The following MGMT variants were observed in gnomAD, a reference collection of about 807,000 sequenced individuals.
The protein encoded by MGMT is O-6-methylguanine-DNA methyltransferase, also known as methylated-DNA--protein-cysteine methyltransferase.
A neutral mutation model predicts 15.9 loss-of-function variants in MGMT; 14 were observed. The ratio of observed to expected loss-of-function variants is 0.88; its 90% CI spans 0.58 to 1.37. The LOEUF is 1.37. Among genes scored for constraint, MGMT ranks in the 40% most tolerant of loss-of-function variants. MGMT has a pLI of 0.00. For missense variants in MGMT, 282 were observed against 268.1 expected, an observed-to-expected ratio of 1.05 and a Z score of -0.36; for synonymous variants, 130 against 118.2, an observed-to-expected ratio of 1.10 and a Z score of -0.65.
At chr10:129,628,160 G>A (rs77631439) in intron 2 of MGMT, among the ~76,000 whole-genome samples, 6,386 of 152,224 alleles carry the variant, frequency 0.042, 462 homozygotes, top group African/African-American at 0.14. Flanking sequence ...GTTTTCTACC[G>A]AAGATGCTTT....
At chr10:129,469,239 C>A (rs1302349256) in intron 1 of MGMT, among the ~76,000 whole-genome samples, 1 of 152,148 alleles carries the variant, frequency 6.6e-6, no homozygotes, top group Non-Finnish European at 1.5e-5. Flanking sequence ...TCTTAGGACA[C>A]CAAAACCCTG....
chr10:129,737,336 T>A (rs1201168802), intron 3 of MGMT, among the ~76,000 whole-genome samples: 1 of 152,244 alleles, frequency 6.6e-6, no homozygotes, highest in Non-Finnish European at 1.5e-5. Context: ...TTTCTTCCAG[T>A]TGATTGCATC....
At chr10:129,627,414 C>A (rs1847161985) in intron 2 of MGMT, among the ~76,000 whole-genome samples, 1 of 120,972 alleles carries the variant, frequency 8.3e-6, no homozygotes, top group African/African-American at 2.6e-5. Context: ...CTCCTCTACT[C>A]AAAAAAAAGA....
In MGMT at chr10:129,707,033, G is replaced by A. The variant is rs994363212; in HGVS notation, c.126-862G>A. Reference sequence around the variant, plus strand: ...TCCCAGCAGTTTGGGGGGCCCACGCGGGCGGATCACCTGAGGTCAGGAGTT... The same window carrying A: ...TCCCAGCAGTTTGGGGGGCCCACGCAGGCGGATCACCTGAGGTCAGGAGTT... On this transcript the variant is annotated intron_variant, in intron 2 of 4. Coordinates refer to ENST00000651593, the MANE Select transcript of MGMT (RefSeq NM_002412.5). 5.3e-5 allele frequency among the ~76,000 whole-genome samples: 8 copies of A among 152,082 alleles called. No homozygotes were observed. In the East Asian group the frequency reaches 7.8e-4, roughly 15 times the overall value.
chr10:129,510,629 T>C (rs1385674509), intron 1 of MGMT, among the ~76,000 whole-genome samples: 2 of 152,144 alleles, frequency 1.3e-5, no homozygotes, highest in Non-Finnish European at 2.9e-5. Flanking sequence ...TTTAGGAAGT[T>C]GATAGAAGTG....
At chr10:129,531,914 A>G (rs1252574104) in intron 1 of MGMT, among the ~76,000 whole-genome samples, 1 of 152,174 alleles carries the variant, frequency 6.6e-6, no homozygotes, top group African/African-American at 2.4e-5. Flanking sequence ...CTCATGCTTC[A>G]CATACCTAAA....
At chr10:129,480,840 A>G (rs1217687808) in intron 1 of MGMT, among the ~76,000 whole-genome samples, 1 of 152,236 alleles carries the variant, frequency 6.6e-6, no homozygotes, top group Non-Finnish European at 1.5e-5. Context: ...AGTCTGAATA[A>G]CTGTTGTTTG....
In MGMT at chr10:129,766,950, A is replaced by G; in HGVS notation, c.577A>G (p.Lys193Glu). 1 of 1,612,412 alleles carries G rather than the reference A, an allele frequency of 6.2e-7. No homozygotes were observed. Among genetic ancestry groups the G allele is most frequent in the Admixed American group, 1.7e-5 (1 of 59,926 alleles). ...CTCAGGTCTGGCAGGGGCCTGGCTC[A>G]AGGGAGCGGGAGCTACCTCGGGCTC... ...GSSGLAGAWL[K>E]GAGATSGSPP... Residue 193 changes from lysine (K) to glutamate (E), a missense_variant, in exon 5 of 5, where the codon AAG becomes GAG. By Grantham distance (56) the Lys-to-Glu change is moderately conservative (BLOSUM62 1). Coordinates refer to ENST00000651593, the MANE Select transcript of MGMT (RefSeq NM_002412.5).
chr10:129,732,917 A>G (rs1280267719), intron 3 of MGMT, among the ~76,000 whole-genome samples: 7 of 148,740 alleles, frequency 4.7e-5, no homozygotes, highest in Non-Finnish European at 7.5e-5. Flanking sequence ...ATAGTATTCC[A>G]TGGTGTATAT....
At chr10:129,729,963 G>A (rs1043644561) in intron 3 of MGMT, among the ~76,000 whole-genome samples, 3 of 152,152 alleles carry the variant, frequency 2.0e-5, no homozygotes, top group Non-Finnish European at 4.4e-5. Flanking sequence ...TGAGGTGTCT[G>A]CTGGGCGTGG....
chr10:129,600,781 A>G (rs1165576159), intron 2 of MGMT, among the ~76,000 whole-genome samples: 1 of 152,208 alleles, frequency 6.6e-6, no homozygotes, highest in Non-Finnish European at 1.5e-5. Context: ...CCAGTTTTCC[A>G]TACAAGTATG....
intron 1 of MGMT, among the ~76,000 whole-genome samples, chr10:129,518,337 T>C (rs28436709): frequency 0.056 from 6,679 of 119,386 alleles, 533 homozygotes; most frequent in African/African-American, 0.18. Context: ...TACACACACA[T>C]ACACACACAC....
chr10:129,519,303 G>A (rs1310639650), intron 1 of MGMT, among the ~76,000 whole-genome samples: 1 of 152,106 alleles, frequency 6.6e-6, no homozygotes, highest in African/African-American at 2.4e-5. Flanking sequence ...TGGAAATCTT[G>A]GCTTCAGCTG....
intron 2 of MGMT, among the ~76,000 whole-genome samples, chr10:129,666,728 T>C (rs1847663263): frequency 6.6e-6 from 1 of 152,246 alleles, no homozygotes; most frequent in Non-Finnish European, 1.5e-5. Context: ...TTATCTGTTA[T>C]TTCTTTGTCT....
chr10:129,708,129 A>G (rs1455861524), intron 3 of MGMT, 86 bp downstream of exon 3: 26 of 1,493,596 alleles, frequency 1.7e-5, no homozygotes, highest in Non-Finnish European at 2.2e-5. Flanking sequence ...TTTATTGAGT[A>G]TACCAACTTG....
chr10:129,766,435 A>G (rs1254631382), intron 4 of MGMT, among the ~76,000 whole-genome samples: 1 of 152,188 alleles, frequency 6.6e-6, no homozygotes, highest in Non-Finnish European at 1.5e-5. Flanking sequence ...CAGAACTCGG[A>G]AACGTAGTTT....
At chr10:129,759,177 CATT>C in intron 3 of MGMT, 22 bp from the exon 4 acceptor site, 1 of 1,613,834 alleles carries the variant, frequency 6.2e-7, no homozygotes, top group Non-Finnish European at 8.5e-7. Context: ...GTCCAAATAA[CATT>C]ATCCTGCATT....
chr10:129,740,604 G>A (rs571919269), intron 3 of MGMT, among the ~76,000 whole-genome samples: 3 of 152,316 alleles, frequency 2.0e-5, no homozygotes, highest in East Asian at 1.9e-4. Flanking sequence ...AGGAGGAAAC[G>A]GAGGGGCGAC....
intron 3 of MGMT, among the ~76,000 whole-genome samples, chr10:129,754,456 C>T (rs181007079): frequency 7.4e-4 from 113 of 152,270 alleles, no homozygotes; most frequent in African/African-American, 2.6e-3. Flanking sequence ...TGGGCTCCTG[C>T]GGCCCCTGTT....
Sources: allele counts gnomAD v4.1 joint callset (sites outside exome capture counted in the v4.1 genomes callset), GRCh38; gene constraint gnomAD v4.1.1; transcripts MANE v1.5; gene names NCBI Gene and HGNC (gene_info 2026-07-23, HGNC 2026-07-21).